The following SLC49A4 variants were observed in gnomAD, a reference collection of about 807,000 sequenced individuals.
The protein encoded by SLC49A4 is disrupted in renal cancer protein 2.
SLC49A4 carries 36 observed loss-of-function variants against 50.6 expected under a neutral mutation model. That is an observed-to-expected ratio of 0.71 (90% CI 0.55 to 0.94). SLC49A4 has a LOEUF of 0.94. SLC49A4 is among the 40% of genes least tolerant of loss of function. The pLI, the probability that SLC49A4 is intolerant of heterozygous loss-of-function variation, is 0.00. For synonymous variants in SLC49A4, 248 were observed against 241.2 expected, an observed-to-expected ratio of 1.03 and a Z score of -0.26; for missense variants, 503 against 605.7, an observed-to-expected ratio of 0.83 and a Z score of 1.78.
chr3:122,851,460 G>A (rs1476475106), intron 5 of SLC49A4, among the ~76,000 whole-genome samples: 1 of 151,346 alleles, frequency 6.6e-6, no homozygotes, highest in South Asian at 2.1e-4. Flanking sequence ...ATTTTCTTTT[G>A]GTTCTTTGAA....
intron 2 of SLC49A4, among the ~76,000 whole-genome samples, chr3:122,817,065 A>G (rs575390969): frequency 6.6e-6 from 1 of 152,354 alleles, no homozygotes; most frequent in South Asian, 2.1e-4. Context: ...CTCATGTCAT[A>G]TAATGTGTCA....
At chr3:122,818,818 C>T (rs953990809) in intron 2 of SLC49A4, among the ~76,000 whole-genome samples, 16 of 151,864 alleles carry the variant, frequency 1.1e-4, no homozygotes, top group African/African-American at 3.9e-4. Flanking sequence ...GTGGGGTGTG[C>T]CTGTAGTCCC....
intron 1 of SLC49A4, among the ~76,000 whole-genome samples, chr3:122,805,918 AT>A (rs988185541): frequency 3.9e-5 from 6 of 152,076 alleles, no homozygotes; most frequent in Non-Finnish European, 8.8e-5. Flanking sequence ...CTAAGCCGTG[AT>A]TTTTTTTAAC....
chr3:122,827,126 C>G (rs182015327), intron 3 of SLC49A4, 61 bp downstream of exon 3: 5 of 1,543,616 alleles, frequency 3.2e-6, no homozygotes, highest in Non-Finnish European at 4.4e-6. Context: ...CATCTTCACT[C>G]TACTTTTTGT....
chr3:122,841,517 A>G (rs186761481), intron 4 of SLC49A4, among the ~76,000 whole-genome samples: 95 of 152,366 alleles, frequency 6.2e-4, no homozygotes, highest in Non-Finnish European at 1.2e-3. Flanking sequence ...TGCAGCTGTT[A>G]AAGTAAAATG....
chr3:122,853,220 T>C (rs1936946495), intron 5 of SLC49A4, among the ~76,000 whole-genome samples: 1 of 152,148 alleles, frequency 6.6e-6, no homozygotes, highest in Non-Finnish European at 1.5e-5. Flanking sequence ...GCAGCTCCCT[T>C]CAACCTCTTT....
At chr3:122,810,241 TAGTATC>T (rs1463020424) in intron 2 of SLC49A4, among the ~76,000 whole-genome samples, 1 of 152,208 alleles carries the variant, frequency 6.6e-6, no homozygotes, top group African/African-American at 2.4e-5. Context: ...TACTTATATA[TAGTATC>T]AGTATTTATT....
chr3:122,859,322 G>A (rs775385406), intron 6 of SLC49A4, among the ~76,000 whole-genome samples: 1 of 152,156 alleles, frequency 6.6e-6, no homozygotes, highest in Non-Finnish European at 1.5e-5. Context: ...CATCCAACTG[G>A]AGAACAGTAG....
chr3:122,798,984 G>T (rs1471397143), intron 1 of SLC49A4, among the ~76,000 whole-genome samples: 1 of 151,980 alleles, frequency 6.6e-6, no homozygotes, highest in Non-Finnish European at 1.5e-5. Flanking sequence ...TTCCTAAAAT[G>T]GGTTTGTACC....
Position 122,856,688 on chromosome 3 carries a change from T to G in SLC49A4, c.1010+314T>G, listed in dbSNP as rs116239587. 4.1e-3 allele frequency among the ~76,000 whole-genome samples: 624 copies of G among 151,986 alleles called. 5 individuals carry two copies. The highest frequency in any genetic ancestry group is 0.015 in the African/African-American group (604 of 41,440). ...CCTGTCTCTACTAAAAACACAAAAT[T>G]ACCTGGGTGTGGTGATGAGCGCCTG... is the stretch of plus-strand genomic sequence containing the variant. On this transcript the variant is annotated intron_variant, in intron 6 of 8. Transcript: ENST00000261038.
At chr3:122,809,775 A>G (rs1936273892) in intron 2 of SLC49A4, among the ~76,000 whole-genome samples, 1 of 152,218 alleles carries the variant, frequency 6.6e-6, no homozygotes, top group Admixed American at 6.5e-5. Context: ...GTAGAAATAA[A>G]AAGTTCAGAG....
chr3:122,799,178 A>G (rs967726374), intron 1 of SLC49A4, among the ~76,000 whole-genome samples: 5 of 152,180 alleles, frequency 3.3e-5, no homozygotes, highest in Admixed American at 1.3e-4. Flanking sequence ...GGAGATCCAG[A>G]CAGCAAACAA....
chr3:122,811,331 CAGG>C, intron 2 of SLC49A4, among the ~76,000 whole-genome samples: 1 of 152,218 alleles, frequency 6.6e-6, no homozygotes, highest in South Asian at 2.1e-4. Context: ...CGAGAGAACT[CAGG>C]AGAATATTCA....
At chr3:122,816,423 C>T (rs766030081) in intron 2 of SLC49A4, among the ~76,000 whole-genome samples, 1 of 152,046 alleles carries the variant, frequency 6.6e-6, no homozygotes, top group African/African-American at 2.4e-5. Context: ...CAGCAAATCC[C>T]AGGTCATCAC....
At position 122,800,311 on chromosome 3, in the gene SLC49A4, G is replaced by A. The variant is rs117055784; in HGVS notation, c.343+4776G>A. Among the ~76,000 whole-genome samples, 4 of 152,246 alleles carry A rather than the reference G, an allele frequency of 2.6e-5. No homozygotes were observed. In the East Asian group the frequency reaches 7.7e-4, roughly 29 times the overall value. ...ATAGAGCACTGGATTTAGCAACATC[G>A]AGATCTTTTGGTGTCCTTTGAAAGA... On this transcript the variant is annotated intron_variant, in intron 1 of 8. Transcript: ENST00000261038.
chr3:122,858,723 A>G (rs1028431304), intron 6 of SLC49A4, among the ~76,000 whole-genome samples: 4 of 152,236 alleles, frequency 2.6e-5, no homozygotes, highest in African/African-American at 9.6e-5. Context: ...AAGTGAAGAG[A>G]ATATAGTAAA....
At chr3:122,852,422 A>G (rs987803137) in intron 5 of SLC49A4, among the ~76,000 whole-genome samples, 32 of 152,214 alleles carry the variant, frequency 2.1e-4, no homozygotes, top group Non-Finnish European at 2.6e-4. Context: ...TTGTAGGTCT[A>G]TTTATATGTT....
intron 4 of SLC49A4, among the ~76,000 whole-genome samples, chr3:122,836,091 G>T (rs1936680521): frequency 6.6e-6 from 1 of 152,084 alleles, no homozygotes; most frequent in Non-Finnish European, 1.5e-5. Context: ...ACTGCTGAAA[G>T]AAATCATAGA....
intron 2 of SLC49A4, among the ~76,000 whole-genome samples, chr3:122,808,824 A>C (rs1182715215): frequency 6.6e-6 from 1 of 152,238 alleles, no homozygotes; most frequent in Non-Finnish European, 1.5e-5. Context: ...AGAAGTGGTC[A>C]AATTCTGATC....
Sources: gnomAD v4.1 joint callset for allele counts (sites outside exome capture counted in the v4.1 genomes callset) on GRCh38, gnomAD v4.1.1 for gene constraint, MANE v1.5 for transcripts, NCBI Gene and HGNC (gene_info 2026-07-23, HGNC 2026-07-21) for gene names.